Variants in MIPOL1 observed in about 807,000 individuals in gnomAD.
MIPOL1 encodes mirror-image polydactyly gene 1 protein.
A neutral mutation model predicts 60.9 loss-of-function variants in MIPOL1; 57 were observed. The observed-to-expected ratio is 0.94, with a 90% CI of 0.76 to 1.17. The LOEUF is 1.17. MIPOL1 is among the 50% of genes most tolerant of loss of function. The pLI is 0.00. For missense variants in MIPOL1, 551 were observed against 511.6 expected, an observed-to-expected ratio of 1.08 and a Z score of -0.74; for synonymous variants, 179 against 168.8, an observed-to-expected ratio of 1.06 and a Z score of -0.47.
chr14:37,471,346 T>C (rs2153589725), intron 11 of MIPOL1, among the ~76,000 whole-genome samples: 1 of 152,298 alleles, frequency 6.6e-6, no homozygotes, highest in East Asian at 1.9e-4. Context: ...AAGTAGTATG[T>C]CTGGTCCAAT....
intron 11 of MIPOL1, among the ~76,000 whole-genome samples, chr14:37,436,177 C>T (rs1223838607): frequency 6.6e-6 from 1 of 152,124 alleles, no homozygotes; most frequent in Non-Finnish European, 1.5e-5. Flanking sequence ...ATACTACCAA[C>T]TTTAAAAGAA....
intron 9 of MIPOL1, among the ~76,000 whole-genome samples, chr14:37,365,544 C>T (rs1438200450): frequency 2.0e-5 from 3 of 152,104 alleles, no homozygotes; most frequent in African/African-American, 7.2e-5. Flanking sequence ...ATCCTTGCAT[C>T]CCAGGGATAA....
intron 10 of MIPOL1, among the ~76,000 whole-genome samples, chr14:37,390,603 C>A (rs1249632268): frequency 2.6e-5 from 4 of 151,792 alleles, no homozygotes; most frequent in South Asian, 4.2e-4. Context: ...AAATTGTAAT[C>A]TCTATAAAAC....
At chr14:37,471,899 A>T (rs2094693983) in intron 11 of MIPOL1, among the ~76,000 whole-genome samples, 1 of 152,178 alleles carries the variant, frequency 6.6e-6, no homozygotes, top group Non-Finnish European at 1.5e-5. Context: ...GTGTTTAGTC[A>T]GTACTCATCT....
At chr14:37,463,805 A>G (rs1378629994) in intron 11 of MIPOL1, among the ~76,000 whole-genome samples, 6 of 152,230 alleles carry the variant, frequency 3.9e-5, no homozygotes, top group Admixed American at 3.9e-4. Flanking sequence ...AGGAATAATC[A>G]ACACATTAAA....
intron 11 of MIPOL1, among the ~76,000 whole-genome samples, chr14:37,467,901 A>G (rs750170823): frequency 2.0e-4 from 31 of 151,984 alleles, no homozygotes; most frequent in Non-Finnish European, 4.0e-4. Flanking sequence ...TAAAAATACA[A>G]AAATTAGCCA....
intron 11 of MIPOL1, among the ~76,000 whole-genome samples, chr14:37,464,256 TA>T (rs11333399): frequency 0.99 from 150,513 of 152,312 alleles, 74,390 homozygotes; most frequent in Middle Eastern, 1. Flanking sequence ...CACTACTGGA[TA>T]ATCTACCCAA....
chr14:37,224,069 G>A (rs1969286608), intron 1 of MIPOL1, among the ~76,000 whole-genome samples: 1 of 152,092 alleles, frequency 6.6e-6, no homozygotes, highest in African/African-American at 2.4e-5. Flanking sequence ...ACTTCTCAAA[G>A]GTTACAGTGT....
At chr14:37,203,187 T>G (rs949650898) in intron 1 of MIPOL1, among the ~76,000 whole-genome samples, 2 of 152,208 alleles carry the variant, frequency 1.3e-5, no homozygotes, top group African/African-American at 4.8e-5. Context: ...TAGAACTGTT[T>G]TAGAGCATTA....
chr14:37,289,187 A>G (rs1359599419), intron 7 of MIPOL1, among the ~76,000 whole-genome samples: 2 of 152,176 alleles, frequency 1.3e-5, no homozygotes, highest in Non-Finnish European at 2.9e-5. Context: ...ACACAAACTC[A>G]GTGCACTTCT....
At chr14:37,364,540 T>C (rs558276181) in intron 9 of MIPOL1, among the ~76,000 whole-genome samples, 1 of 152,274 alleles carries the variant, frequency 6.6e-6, no homozygotes, top group South Asian at 2.1e-4. Flanking sequence ...TCACTGTAGG[T>C]GTGTAGATTT....
intron 10 of MIPOL1, among the ~76,000 whole-genome samples, chr14:37,407,398 G>T (rs1249708981): frequency 6.6e-6 from 1 of 152,008 alleles, no homozygotes; most frequent in African/African-American, 2.4e-5. Flanking sequence ...TTTCCCTAAA[G>T]GATTCACATT....
chr14:37,490,718 C>T (rs1193872290), intron 11 of MIPOL1, among the ~76,000 whole-genome samples: 4 of 152,126 alleles, frequency 2.6e-5, no homozygotes, highest in Non-Finnish European at 5.9e-5. Flanking sequence ...TTCCTGACCC[C>T]TTAACACTTC....
intron 1 of MIPOL1, chr14:37,240,361 G>A (rs979420623): frequency 1.3e-5 from 2 of 152,032 alleles, no homozygotes; most frequent in African/African-American, 4.8e-5. Flanking sequence ...CTATTCTTTT[G>A]TTTGATTTCA....
intron 10 of MIPOL1, among the ~76,000 whole-genome samples, chr14:37,378,702 G>A (rs2092843378): frequency 6.6e-6 from 1 of 151,024 alleles, no homozygotes; most frequent in African/African-American, 2.4e-5. Flanking sequence ...AGAGAGGGAG[G>A]GACGGAAGGA....
chr14:37,302,114 C>A (rs2086318869), intron 7 of MIPOL1, among the ~76,000 whole-genome samples: 1 of 146,380 alleles, frequency 6.8e-6, no homozygotes, highest in Non-Finnish European at 1.5e-5. Flanking sequence ...GTTGAGTAAA[C>A]CCAGTAGCAA....
chr14:37,507,781 C>A (rs2095292270), intron 12 of MIPOL1: 1 of 152,024 alleles, frequency 6.6e-6, no homozygotes, highest in South Asian at 2.1e-4. Flanking sequence ...GTAACTTTAA[C>A]TCTGAAAAAT....
rs192739299 is a variant in MIPOL1, at chr14:37,490,699, G to A, written c.1032-9209G>A. On this transcript the variant is annotated intron_variant, in intron 11 of 12. Transcript: ENST00000684589. ...TCCCTCACAGCTTCCCTTGGGTAGG[G>A]AAGAGAATTTCCTGACCCCTTAACA... is the stretch of plus-strand genomic sequence containing the variant. 1.2e-4 allele frequency among the ~76,000 whole-genome samples: 18 copies of A among 152,228 alleles called. No homozygotes were observed. In the East Asian group the frequency reaches 3.1e-3, roughly 26 times the overall value.
chr14:37,282,603 G>C (rs2084207586), intron 6 of MIPOL1, among the ~76,000 whole-genome samples: 1 of 151,964 alleles, frequency 6.6e-6, no homozygotes, highest in South Asian at 2.1e-4. Flanking sequence ...GGTAGGCCAA[G>C]GTGGGAGAAT....
Sources: gnomAD v4.1 joint callset for allele counts (sites outside exome capture counted in the v4.1 genomes callset) on GRCh38, gnomAD v4.1.1 for gene constraint, MANE v1.5 for transcripts, NCBI Gene and HGNC (gene_info 2026-07-23, HGNC 2026-07-21) for gene names.